Variants in LDLRAD3 observed in about 807,000 individuals in gnomAD.
LDLRAD3 encodes low-density lipoprotein receptor class A domain-containing protein 3.
LDLRAD3 carries 20 observed loss-of-function variants against 29.4 expected under a neutral mutation model. The observed-to-expected ratio is 0.68, with a 90% confidence interval of 0.48 to 0.99. LDLRAD3 has a LOEUF of 0.99. Ranked by LOEUF, LDLRAD3 falls within the 50% of genes least tolerant of loss-of-function variation. The probability of loss-of-function intolerance (pLI) is 0.00; values close to 1 mark genes in which losing one functional copy is unlikely to be tolerated. For synonymous variants in LDLRAD3, 157 were observed against 192.7 expected (o/e 0.81, Z 1.53); for missense variants, 420 against 454.3 (o/e 0.92, Z 0.69).
rs561974293 is a variant in LDLRAD3 at position 36,231,304 on chromosome 11, A to G, written c.*1907A>G. 1.3e-4 allele frequency: 19 copies of G among 151,574 alleles called. No homozygotes were observed. The East Asian group carries it at 3.5e-3, about 28-fold the overall frequency. The allele number at this position is 151,574 out of a possible 1,614,324, so 9.4% of individuals were successfully genotyped here. ...TTTTGTTTTGTTTAAAAAAAAAAAG[A>G]AAGAAAGAAAGAAAGAAAAACGGAA... On this transcript the variant is annotated 3_prime_UTR_variant, in exon 6 of 6. Transcript: ENST00000315571.
chr11:36,136,740 G>C (rs1180402129), intron 4 of LDLRAD3, among the ~76,000 whole-genome samples: 1 of 151,684 alleles, frequency 6.6e-6, no homozygotes, highest in Non-Finnish European at 1.5e-5. Context: ...ACCCAGGCTG[G>C]AGTACAGTGG....
intron 4 of LDLRAD3, among the ~76,000 whole-genome samples, chr11:36,100,597 G>A (rs1434705583): frequency 1.3e-5 from 2 of 151,974 alleles, no homozygotes; most frequent in Non-Finnish European, 2.9e-5. Flanking sequence ...GTGCCACCAC[G>A]CCCAGCTAAT....
intron 1 of LDLRAD3, among the ~76,000 whole-genome samples, chr11:35,950,225 G>T (rs1015510865): frequency 6.6e-6 from 1 of 152,162 alleles, no homozygotes; most frequent in Non-Finnish European, 1.5e-5. Context: ...GATGGATCTT[G>T]GACCTTGATG....
chr11:36,144,250 G>A (rs966659496), intron 4 of LDLRAD3, among the ~76,000 whole-genome samples: 33 of 151,730 alleles, frequency 2.2e-4, no homozygotes, highest in Non-Finnish European at 4.4e-4. Flanking sequence ...GCCCAGGCTG[G>A]AGTGCAGTGG....
At chr11:36,173,007 T>A (rs1055609919) in intron 4 of LDLRAD3, among the ~76,000 whole-genome samples, 1 of 152,208 alleles carries the variant, frequency 6.6e-6, no homozygotes, top group Non-Finnish European at 1.5e-5. Context: ...TTGGGCTGCT[T>A]GTTATTAGTC....
intron 2 of LDLRAD3, among the ~76,000 whole-genome samples, chr11:36,075,801 G>T (rs1338907265): frequency 6.6e-6 from 1 of 151,748 alleles, no homozygotes; most frequent in Non-Finnish European, 1.5e-5. Flanking sequence ...TTATTTTGTT[G>T]GCCTCAGATA....
chr11:36,098,237 G>T, intron 3 of LDLRAD3, 90 bp from the exon 4 acceptor site: 1 of 1,489,882 alleles, frequency 6.7e-7, no homozygotes. Context: ...TGCTTCCTGA[G>T]CGGGACACAC....
At chr11:36,016,553 C>A (rs1186633375) in intron 1 of LDLRAD3, among the ~76,000 whole-genome samples, 1 of 152,196 alleles carries the variant, frequency 6.6e-6, no homozygotes, top group Admixed American at 6.5e-5. Context: ...CCACCTCTCC[C>A]CTAAATCATC....
chr11:35,947,489 C>T (rs958140252), intron 1 of LDLRAD3, among the ~76,000 whole-genome samples: 10 of 150,772 alleles, frequency 6.6e-5, no homozygotes, highest in Non-Finnish European at 1.0e-4. Flanking sequence ...CAGAGCAAGA[C>T]TGCCTCAATT....
chr11:36,221,281 G>A (rs1590366878), intron 4 of LDLRAD3, among the ~76,000 whole-genome samples: 1 of 151,862 alleles, frequency 6.6e-6, no homozygotes, highest in African/African-American at 2.4e-5. Context: ...AACCCAGGAG[G>A]TGGAGGTTGC....
chr11:35,993,094 A>T (rs1047307105), intron 1 of LDLRAD3, among the ~76,000 whole-genome samples: 1 of 152,220 alleles, frequency 6.6e-6, no homozygotes, highest in Non-Finnish European at 1.5e-5. Context: ...GTGCTTAAGA[A>T]GTGAGTACAG....
At chr11:35,972,050 G>T (rs1851419362) in intron 1 of LDLRAD3, among the ~76,000 whole-genome samples, 1 of 152,124 alleles carries the variant, frequency 6.6e-6, no homozygotes, top group Non-Finnish European at 1.5e-5. Context: ...TTTTGTATCT[G>T]GAGCTCAGAC....
intron 1 of LDLRAD3, among the ~76,000 whole-genome samples, chr11:36,005,279 G>C (rs1590200858): frequency 6.6e-6 from 1 of 152,158 alleles, no homozygotes; most frequent in African/African-American, 2.4e-5. Flanking sequence ...GAAACAGCCA[G>C]GTCATGAATG....
intron 4 of LDLRAD3, among the ~76,000 whole-genome samples, chr11:36,202,044 C>CT (rs11336380): frequency 0.74 from 101,215 of 136,608 alleles, 37,655 homozygotes; most frequent in South Asian, 0.81. Context: ...CTGGGGACAT[C>CT]TTTTTTTTTT....
chr11:35,983,934 T>G (rs898372753), intron 1 of LDLRAD3, among the ~76,000 whole-genome samples: 1 of 152,166 alleles, frequency 6.6e-6, no homozygotes, highest in African/African-American at 2.4e-5. Context: ...CAAGTTAAGA[T>G]CTTGAGAAGA....
chr11:36,154,157 T>C (rs557130541), intron 4 of LDLRAD3, among the ~76,000 whole-genome samples: 1 of 152,296 alleles, frequency 6.6e-6, no homozygotes, highest in Admixed American at 6.5e-5. Flanking sequence ...CAGAATGTTC[T>C]CTCGCATTCT....
At chr11:36,146,002 T>TAAAAAAAAAAA (rs367591997) in intron 4 of LDLRAD3, among the ~76,000 whole-genome samples, 1 of 138,680 alleles carries the variant, frequency 7.2e-6, no homozygotes. Context: ...GAATGATCAA[T>TAAAAAAAAAAA]AAAAAAAAGA....
intron 4 of LDLRAD3, among the ~76,000 whole-genome samples, chr11:36,201,783 C>T (rs1434518615): frequency 6.6e-6 from 1 of 152,190 alleles, no homozygotes; most frequent in Non-Finnish European, 1.5e-5. Context: ...ACAAATAGTA[C>T]CCCAAAATAT....
At chr11:36,199,610 C>T (rs996776833) in intron 4 of LDLRAD3, among the ~76,000 whole-genome samples, 2 of 151,288 alleles carry the variant, frequency 1.3e-5, no homozygotes, top group Non-Finnish European at 3.0e-5. Context: ...TGCGCGCACA[C>T]GCTTTCTGGC....
Sources: allele counts gnomAD v4.1 joint callset (sites outside exome capture counted in the v4.1 genomes callset), GRCh38; gene constraint gnomAD v4.1.1; transcripts MANE v1.5; gene names NCBI Gene and HGNC (gene_info 2026-07-23, HGNC 2026-07-21).